The following FSTL4 variants were observed in gnomAD, a reference collection of about 807,000 sequenced individuals.
FSTL4 encodes the protein follistatin like 4.
In FSTL4, 28 loss-of-function variants were observed where a neutral mutation model predicts 78.2. The observed-to-expected ratio is 0.36, with a 90% confidence interval of 0.27 to 0.49. FSTL4 has a LOEUF of 0.49. FSTL4 is among the 20% of genes least tolerant of loss of function. The pLI, the probability that FSTL4 is intolerant of heterozygous loss-of-function variation, is 0.98. For synonymous variants in FSTL4, 422 were observed against 440.5 expected, an observed-to-expected ratio of 0.96 and a Z score of 0.53; for missense variants, 922 against 1,084.9, an observed-to-expected ratio of 0.85 and a Z score of 2.11.
At chr5:133,702,472 G>T in the FSTL4 span, among the ~76,000 whole-genome samples, 3 of 152,174 alleles carry the variant, frequency 2.0e-5, no homozygotes, top group African/African-American at 7.2e-5. Context: ...TTCACACTGT[G>T]CTCCATGGGG....
At chr5:133,589,926 T>C (rs976364248) in intron 2 of FSTL4, among the ~76,000 whole-genome samples, 2 of 152,182 alleles carry the variant, frequency 1.3e-5, no homozygotes. Context: ...TCTACATGTG[T>C]AAAATAAACA....
At chr5:133,663,976 C>T in the FSTL4 span, among the ~76,000 whole-genome samples, 1 of 152,178 alleles carries the variant, frequency 6.6e-6, no homozygotes, top group African/African-American at 2.4e-5. Context: ...ACCCTGAATG[C>T]TATGAGCAAA....
chr5:133,550,707 A>G (rs1401055856), intron 3 of FSTL4, among the ~76,000 whole-genome samples: 2 of 152,218 alleles, frequency 1.3e-5, no homozygotes, highest in Non-Finnish European at 2.9e-5. Flanking sequence ...ATTGGATCAT[A>G]CTCAGAATGT....
intron 3 of FSTL4, among the ~76,000 whole-genome samples, chr5:133,564,978 C>A (rs1341499002): frequency 1.3e-5 from 2 of 152,148 alleles, no homozygotes; most frequent in Non-Finnish European, 2.9e-5. Context: ...CCATTTGTGG[C>A]CCTAAACCTT....
intron 4 of FSTL4, among the ~76,000 whole-genome samples, chr5:133,340,905 C>G (rs1357258818): frequency 6.6e-6 from 1 of 152,122 alleles, no homozygotes; most frequent in Admixed American, 6.5e-5. Flanking sequence ...GCCCCCGAGA[C>G]AGCTAGAAGA....
chr5:133,471,925 G>C (rs959213529), intron 3 of FSTL4, among the ~76,000 whole-genome samples: 2 of 152,168 alleles, frequency 1.3e-5, no homozygotes, highest in African/African-American at 4.8e-5. Context: ...CACATACAGG[G>C]TGTGAGTAGA....
intron 4 of FSTL4, among the ~76,000 whole-genome samples, chr5:133,356,575 A>G (rs747910482): frequency 6.6e-5 from 10 of 152,240 alleles, no homozygotes; most frequent in Non-Finnish European, 1.2e-4. Flanking sequence ...CTTTCTTCAG[A>G]TGGGACTGGT....
At chr5:133,350,997 T>C (rs1434097517) in intron 4 of FSTL4, among the ~76,000 whole-genome samples, 1 of 152,246 alleles carries the variant, frequency 6.6e-6, no homozygotes, top group Non-Finnish European at 1.5e-5. Flanking sequence ...CTTCAAGATT[T>C]TGTTACTAAA....
chr5:133,810,941 C>T, the FSTL4 span, among the ~76,000 whole-genome samples: 48 of 152,240 alleles, frequency 3.2e-4, no homozygotes, highest in Non-Finnish European at 1.5e-4. Flanking sequence ...GCTTGCAGCT[C>T]GATTTTACAG....
At chr5:133,411,509 T>G (rs1756477530) in intron 3 of FSTL4, among the ~76,000 whole-genome samples, 1 of 152,004 alleles carries the variant, frequency 6.6e-6, no homozygotes, top group Non-Finnish European at 1.5e-5. Flanking sequence ...TCTTCCAAGG[T>G]CAAGAAGAAG....
At chr5:133,488,742 T>A (rs28377047) in intron 3 of FSTL4, among the ~76,000 whole-genome samples, 16,402 of 152,194 alleles carry the variant, frequency 0.11, 2,201 homozygotes, top group African/African-American at 0.31. Context: ...AGTAAGAGCT[T>A]CTGTGGGATG....
chr5:133,239,872 C>T (rs1043742540), intron 7 of FSTL4, among the ~76,000 whole-genome samples: 6 of 152,310 alleles, frequency 3.9e-5, no homozygotes, highest in East Asian at 1.9e-4. Flanking sequence ...CCTGTCAAAA[C>T]GGACCAATCA....
At chr5:133,380,794 A>T (rs1755549038) in intron 4 of FSTL4, among the ~76,000 whole-genome samples, 1 of 148,808 alleles carries the variant, frequency 6.7e-6, no homozygotes, top group Non-Finnish European at 1.5e-5. Context: ...AACCATATCC[A>T]GCAATATATA....
At chr5:133,765,977 TG>T in the FSTL4 span, among the ~76,000 whole-genome samples, 2 of 152,124 alleles carry the variant, frequency 1.3e-5, no homozygotes, top group African/African-American at 4.8e-5. Flanking sequence ...ACCCAGATGA[TG>T]GGCGCTCCCT....
rs370278574 is a variant in FSTL4, at chr5:133,394,715, G to A, written c.409+6023C>T. Among the ~76,000 whole-genome samples, 71 of 152,350 alleles carry A rather than the reference G, an allele frequency of 4.7e-4. 1 individual carries two copies. The East Asian group carries it at 8.5e-3, about 18-fold the overall frequency. On this transcript the variant is annotated intron_variant, in intron 4 of 15. Transcript: ENST00000265342. Reference sequence around the variant, plus strand: ...TCCGTGGCACCAGGTCCCATTGACCGCCCAAGGGCTGAGGAGTGCGGGTGC... The same window carrying A: ...TCCGTGGCACCAGGTCCCATTGACCACCCAAGGGCTGAGGAGTGCGGGTGC...
chr5:133,683,864 C>T, the FSTL4 span, among the ~76,000 whole-genome samples: 1 of 152,168 alleles, frequency 6.6e-6, no homozygotes, highest in African/African-American at 2.4e-5. Context: ...CGCAGGAGCC[C>T]TCCCTGCTGG....
chr5:133,801,457 G>A, the FSTL4 span, among the ~76,000 whole-genome samples: 69 of 152,208 alleles, frequency 4.5e-4, no homozygotes, highest in Non-Finnish European at 8.8e-4. Context: ...CATGAGACCA[G>A]TTGGCTTTAC....
At chr5:133,316,947 A>G (rs1025875079) in intron 4 of FSTL4, among the ~76,000 whole-genome samples, 5 of 152,204 alleles carry the variant, frequency 3.3e-5, no homozygotes, top group Non-Finnish European at 7.3e-5. Context: ...TGACTGCCAG[A>G]TGGAATGGGA....
chr5:133,661,043 T>G, the FSTL4 span, among the ~76,000 whole-genome samples: 128 of 152,252 alleles, frequency 8.4e-4, no homozygotes, highest in African/African-American at 2.1e-3. Flanking sequence ...CAGGCTGGAG[T>G]GCAATGGCAC....
Sources: gnomAD v4.1 joint callset for allele counts (sites outside exome capture counted in the v4.1 genomes callset) on GRCh38, gnomAD v4.1.1 for gene constraint, MANE v1.5 for transcripts, NCBI Gene and HGNC (gene_info 2026-07-23, HGNC 2026-07-21) for gene names.